RAB33B: variants seen among roughly 807,000 people sequenced by gnomAD.
RAB33B encodes RAB33B, member RAS oncogene family.
Under a neutral mutation model 15.0 loss-of-function variants are expected in RAB33B, and 6 were observed. That is an observed-to-expected ratio of 0.40 (90% CI 0.22 to 0.79). RAB33B has a LOEUF of 0.79. RAB33B is among the 30% of genes least tolerant of loss of function. The probability of loss-of-function intolerance (pLI) is 0.37; values close to 1 mark genes in which losing one functional copy is unlikely to be tolerated. For missense variants in RAB33B, 257 were observed against 296.4 expected, an observed-to-expected ratio of 0.87 and a Z score of 0.98; for synonymous variants, 117 against 108.3, an observed-to-expected ratio of 1.08 and a Z score of -0.50.
At chr4:139,464,312 C>T (rs1036721692) in intron 1 of RAB33B, among the ~76,000 whole-genome samples, 3 of 150,736 alleles carry the variant, frequency 2.0e-5, no homozygotes, top group Non-Finnish European at 4.4e-5. Context: ...AATTTCATAC[C>T]TCTGTGTTCT....
chr4:139,468,566 C>T (rs191047959), intron 1 of RAB33B, among the ~76,000 whole-genome samples: 33 of 152,268 alleles, frequency 2.2e-4, no homozygotes, highest in African/African-American at 7.7e-4. Context: ...ATCATTTAGT[C>T]TTTCTACTTA....
chr4:139,454,243 C>T lies in RAB33B; in HGVS notation c.48C>T (p.Ser16=), dbSNP rs1359721598. ...ESSLEASFSS[S]GAVSGASGFL... The stretch of plus-strand genomic sequence containing the variant: ...CGCTCGAGGCAAGCTTTTCGTCCAG[C>T]GGGGCAGTGTCAGGGGCCTCAGGGT... The change falls in exon 1 of 2, where the codon AGC becomes AGT. Residue 16 remains serine, a synonymous_variant. Coordinates refer to ENST00000305626, the MANE Select transcript of RAB33B (RefSeq NM_031296.3). 6.8e-6 allele frequency: 11 copies of T among 1,613,960 alleles called. No individual in the cohort carries two copies. Among genetic ancestry groups the T allele is most frequent in the African/African-American group, 1.3e-5 (1 of 74,914 alleles).
chr4:139,467,373 C>CT (rs760811130), intron 1 of RAB33B, among the ~76,000 whole-genome samples: 20,508 of 36,386 alleles, frequency 0.56, 5,897 homozygotes, highest in East Asian at 0.67. Context: ...TCAGACTGGT[C>CT]TTTTTTTTTT....
intron 1 of RAB33B, among the ~76,000 whole-genome samples, chr4:139,463,757 A>G (rs573960566): frequency 1.7e-3 from 255 of 152,256 alleles, no homozygotes; most frequent in African/African-American, 5.1e-3. Flanking sequence ...AACAGTTTTT[A>G]ATCAGTTGTC....
At chr4:139,440,538 T>C in the RAB33B span, among the ~76,000 whole-genome samples, 1 of 152,154 alleles carries the variant, frequency 6.6e-6, no homozygotes, top group Non-Finnish European at 1.5e-5. Context: ...TCTAGGAACA[T>C]GTGCACAGCT....
chr4:139,464,564 GTGTGTGA>G, intron 1 of RAB33B, among the ~76,000 whole-genome samples: 1 of 152,090 alleles, frequency 6.6e-6, no homozygotes, highest in Non-Finnish European at 1.5e-5. Flanking sequence ...ACAGGCCCTG[GTGTGTGA>G]TGTTCTCCAC....
chr4:139,447,497 T>C, the RAB33B span, among the ~76,000 whole-genome samples: 2 of 152,014 alleles, frequency 1.3e-5, no homozygotes, highest in Non-Finnish European at 2.9e-5. Flanking sequence ...GGAGGAACAC[T>C]GCCACCAGGA....
chr4:139,439,065 G>A, the RAB33B span, among the ~76,000 whole-genome samples: 1 of 151,960 alleles, frequency 6.6e-6, no homozygotes, highest in African/African-American at 2.4e-5. Context: ...CAGGCTGGGG[G>A]GCAGTGGCGC....
chr4:139,446,338 T>C, the RAB33B span, among the ~76,000 whole-genome samples: 1 of 152,186 alleles, frequency 6.6e-6, no homozygotes, highest in East Asian at 1.9e-4. Flanking sequence ...CTACAGCCCC[T>C]TTCTAGGACA....
At chr4:139,456,184 G>T (rs1443780427) in intron 1 of RAB33B, among the ~76,000 whole-genome samples, 1 of 152,088 alleles carries the variant, frequency 6.6e-6, no homozygotes, top group Non-Finnish European at 1.5e-5. Flanking sequence ...TATTTTTCCT[G>T]TTTGCCACCA....
intron 1 of RAB33B, 91 bp from the exon 2 acceptor site, chr4:139,472,595 G>C: frequency 1.1e-6 from 1 of 938,492 alleles, no homozygotes; most frequent in East Asian, 2.6e-5. Flanking sequence ...TAAGTGAAGA[G>C]ATAATAAAGA....
At chr4:139,465,359 AGTTT>A (rs1403241214) in intron 1 of RAB33B, among the ~76,000 whole-genome samples, 1 of 152,164 alleles carries the variant, frequency 6.6e-6, no homozygotes, top group Non-Finnish European at 1.5e-5. Flanking sequence ...CTCTGATGGT[AGTTT>A]GTTTTGCTGT....
upstream of RAB33B, chr4:139,450,931 T>C (rs968210887): frequency 6.6e-6 from 1 of 151,332 alleles, no homozygotes; most frequent in East Asian, 1.9e-4. Flanking sequence ...GACACAGTCT[T>C]GTTCTTGTCC....
At chr4:139,462,230 T>G (rs1214888537) in intron 1 of RAB33B, among the ~76,000 whole-genome samples, 1 of 151,968 alleles carries the variant, frequency 6.6e-6, no homozygotes, top group Non-Finnish European at 1.5e-5. Flanking sequence ...ACTTTTTGTA[T>G]TTTTAGTAGA....
Position 139,464,389 on chromosome 4 carries a change from T to TTTTG in RAB33B, c.250-8294_250-8293insGTTT, listed in dbSNP as rs766125701. ...GATTGATGGGAAGAGGAATACTGTT[T>TTTTG]TTTTTTTTTTTTTTTTTTTTTTTAT... On this transcript the variant is annotated intron_variant, in intron 1 of 1. Transcript: ENST00000305626. Among the ~76,000 whole-genome samples the TTTTG allele has an allele frequency of 7.3e-3, 575 of 78,596 alleles. 4 individuals are homozygous for TTTTG. Among genetic ancestry groups the TTTTG allele is most frequent in the Non-Finnish European group, 0.012 (455 of 36,828 alleles). The allele number at this position is 78,596 out of a possible 152,430, so 51.6% of individuals were successfully genotyped here.
Position 139,473,054 on chromosome 4 carries a change from G to T in RAB33B, c.618G>T (p.Met206Ile). The change falls in exon 2 of 2, where the codon ATG (methionine) becomes ATT (isoleucine). Residue 206 changes from methionine (M) to isoleucine (I), a missense_variant. Met to Ile is a conservative substitution (Grantham distance 10). Coordinates refer to ENST00000305626, the MANE Select transcript of RAB33B (RefSeq NM_031296.3). Reference sequence around the variant, plus strand: ...AGCTTAAGAGCCACAAACCATTAATGCTTAGTCAGCCCCCTGATAATGGAA... The same window carrying T: ...AGCTTAAGAGCCACAAACCATTAATTCTTAGTCAGCCCCCTGATAATGGAA... ...AHKLKSHKPL[M>I]LSQPPDNGII... 6.2e-7 allele frequency: 1 copy of T among 1,614,068 alleles called. No individual in the cohort carries two copies. Among genetic ancestry groups the T allele is most frequent in the Non-Finnish European group, 8.5e-7 (1 of 1,180,000 alleles).
intron 1 of RAB33B, among the ~76,000 whole-genome samples, chr4:139,456,646 T>C (rs184328626): frequency 6.6e-6 from 1 of 152,356 alleles, no homozygotes; most frequent in African/African-American, 2.4e-5. Context: ...TACATTGATA[T>C]GGACTTGAAT....
chr4:139,454,233 T>G lies in RAB33B; in HGVS notation c.38T>G (p.Phe13Cys). ...EEMESSLEAS[F>C]SSSGAVSGAS... Reference sequence around the variant, plus strand: ...ATGGAGTCGTCGCTCGAGGCAAGCTTTTCGTCCAGCGGGGCAGTGTCAGGG... The same window carrying G: ...ATGGAGTCGTCGCTCGAGGCAAGCTGTTCGTCCAGCGGGGCAGTGTCAGGG... The change falls in exon 1 of 2, where the codon TTT (phenylalanine) becomes TGT (cysteine). Residue 13 changes from phenylalanine (F) to cysteine (C), a missense_variant. Coordinates refer to ENST00000305626, the MANE Select transcript of RAB33B (RefSeq NM_031296.3). 3 of 1,613,940 alleles carry G rather than the reference T, an allele frequency of 1.9e-6. No individual in the cohort carries two copies. The highest frequency in any genetic ancestry group is 2.5e-6 in the Non-Finnish European group (3 of 1,179,926).
chr4:139,458,755 G>A (rs970496929), intron 1 of RAB33B, among the ~76,000 whole-genome samples: 5 of 149,530 alleles, frequency 3.3e-5, no homozygotes, highest in African/African-American at 1.2e-4. Flanking sequence ...AATGATTTAT[G>A]TTCCTTTGAG....
Sources: gnomAD v4.1 joint callset for allele counts (sites outside exome capture counted in the v4.1 genomes callset) on GRCh38, gnomAD v4.1.1 for gene constraint, MANE v1.5 for transcripts, NCBI Gene and HGNC (gene_info 2026-07-23, HGNC 2026-07-21) for gene names.